Variants in FHOD3 observed in about 807,000 individuals in gnomAD.
FHOD3 encodes the protein formin homology 2 domain containing 3.
In FHOD3, 90 loss-of-function variants were observed where a neutral mutation model predicts 173.0. The observed-to-expected ratio is 0.52, with a 90% CI of 0.44 to 0.62. The LOEUF (loss-of-function observed/expected upper bound fraction) is 0.62. Ranked by LOEUF, FHOD3 falls within the 20% of genes least tolerant of loss-of-function variation. The probability of loss-of-function intolerance (pLI) is 0.00; values close to 1 mark genes in which losing one functional copy is unlikely to be tolerated. For missense variants in FHOD3, 1,945 were observed against 2,034.7 expected, an observed-to-expected ratio of 0.96 and a Z score of 0.85; for synonymous variants, 828 against 823.0, an observed-to-expected ratio of 1.01 and a Z score of -0.10.
chr18:36,695,221 G>T (rs1015769704), intron 17 of FHOD3, among the ~76,000 whole-genome samples: 3 of 151,770 alleles, frequency 2.0e-5, no homozygotes, highest in Non-Finnish European at 4.4e-5. Context: ...GCGTGGTGGC[G>T]CATGCCTGTA....
intron 10 of FHOD3, among the ~76,000 whole-genome samples, chr18:36,633,137 G>C (rs1482745302): frequency 1.3e-5 from 2 of 152,198 alleles, no homozygotes; most frequent in African/African-American, 2.4e-5. Flanking sequence ...GCTCACTTGA[G>C]GCAGTTTCCC....
intron 3 of FHOD3, among the ~76,000 whole-genome samples, chr18:36,494,168 A>G (rs1055883230): frequency 6.6e-6 from 1 of 152,106 alleles, no homozygotes; most frequent in Non-Finnish European, 1.5e-5. Context: ...TCTTGGCTGA[A>G]CAGGAAGCAT....
chr18:36,511,140 A>G (rs557699164), intron 4 of FHOD3, among the ~76,000 whole-genome samples: 3 of 152,240 alleles, frequency 2.0e-5, no homozygotes, highest in African/African-American at 7.2e-5. Flanking sequence ...GCTTTCTACC[A>G]TTTACATCAC....
At chr18:36,454,562 T>C (rs368788529) in intron 3 of FHOD3, among the ~76,000 whole-genome samples, 1 of 152,324 alleles carries the variant, frequency 6.6e-6, no homozygotes, top group East Asian at 1.9e-4. Context: ...ATTTTTCATA[T>C]GCATTGTGTA....
Position 36,537,204 on chromosome 18 carries a change from G to A in FHOD3, c.511+24661G>A, listed in dbSNP as rs551023316. ...GACTCCCTGATAATTGTATTTTTAC[G>A]CCAGGGTGAGAAGCCTATGAAGTCT... On this transcript the variant is annotated intron_variant, in intron 5 of 28. Transcript: ENST00000590592. 4.8e-4 allele frequency among the ~76,000 whole-genome samples: 73 copies of A among 152,278 alleles called. No individual in the cohort carries two copies. The South Asian group carries it at 7.7e-3, about 16-fold the overall frequency.
At chr18:36,353,124 A>T (rs2046209449) in intron 1 of FHOD3, among the ~76,000 whole-genome samples, 1 of 152,232 alleles carries the variant, frequency 6.6e-6, no homozygotes, top group African/African-American at 2.4e-5. Flanking sequence ...CAGGTTGGCC[A>T]GTTTGTAGTA....
intron 9 of FHOD3, among the ~76,000 whole-genome samples, chr18:36,619,608 G>C (rs2033533221): frequency 6.6e-6 from 1 of 152,116 alleles, no homozygotes; most frequent in Non-Finnish European, 1.5e-5. Context: ...TCATTTGCTT[G>C]TCTATTACTT....
intron 17 of FHOD3, among the ~76,000 whole-genome samples, chr18:36,701,914 A>G (rs150331985): frequency 2.0e-5 from 3 of 152,352 alleles, no homozygotes; most frequent in African/African-American, 7.2e-5. Context: ...CTCTGAAGTC[A>G]TCTTCAGTGG....
chr18:36,666,812 A>G (rs893254349), intron 14 of FHOD3, among the ~76,000 whole-genome samples: 3 of 152,208 alleles, frequency 2.0e-5, no homozygotes, highest in Non-Finnish European at 4.4e-5. Context: ...GAAACAGCAC[A>G]TAAGTTTTGG....
At chr18:36,512,858 G>C (rs2055736715) in intron 5 of FHOD3, among the ~76,000 whole-genome samples, 1 of 152,130 alleles carries the variant, frequency 6.6e-6, no homozygotes, top group Non-Finnish European at 1.5e-5. Flanking sequence ...AAATGGGCTT[G>C]GGTAAAGCCT....
Position 36,780,102 on chromosome 18 carries a change from C to A in FHOD3, c.*572C>A. 1 of 1,227,994 alleles carries A rather than the reference C, an allele frequency of 8.1e-7. No homozygotes were observed. Among genetic ancestry groups the A allele is most frequent in the Non-Finnish European group, 1.0e-6 (1 of 984,252 alleles). The allele number at this position is 1,227,994 out of a possible 1,614,324, so 76.1% of individuals were successfully genotyped here. A position where few individuals can be genotyped will look rare whatever the true frequency, so the allele number is the denominator to read the frequency against. The stretch of plus-strand genomic sequence containing the variant: ...TCTGGGAACAGGACCTTAAACAGTT[C>A]CACAGGCTCGCCTCTTCAGAATGGC... On this transcript the variant is annotated 3_prime_UTR_variant, in exon 29 of 29. Coordinates refer to ENST00000590592, the MANE Select transcript of FHOD3 (RefSeq NM_001281740.3).
intron 19 of FHOD3, among the ~76,000 whole-genome samples, chr18:36,721,039 A>G (rs1386947402): frequency 6.6e-6 from 1 of 152,184 alleles, no homozygotes; most frequent in Non-Finnish European, 1.5e-5. Flanking sequence ...CACTGCAGCC[A>G]ATTTGGTCCG....
Position 36,406,077 on chromosome 18 carries a change from TTTTTTG to T in FHOD3, c.337+33351_337+33356del, listed in dbSNP as rs1246347431. Among the ~76,000 whole-genome samples, 64 of 137,670 alleles carry T rather than the reference TTTTTTG, an allele frequency of 4.6e-4. 1 individual carries two copies. Among genetic ancestry groups the T allele is most frequent in the African/African-American group, 1.5e-3 (54 of 36,558 alleles). 90.3% of individuals were successfully genotyped at this position (137,670 alleles called of 152,430 possible). A position where few individuals can be genotyped will look rare whatever the true frequency, so the allele number is the denominator to read the frequency against. On this transcript the variant is annotated intron_variant, in intron 3 of 28. Coordinates refer to ENST00000590592, the MANE Select transcript of FHOD3 (RefSeq NM_001281740.3). ...TAAGTTCACATTGTGGCCTTGCCTGTTTTTTGTTTTTGTTTTTGTTTTTTTGTTTTT... is the reference window on the plus strand; with the variant it reads ...TAAGTTCACATTGTGGCCTTGCCTGTTTTTTGTTTTTGTTTTTTTGTTTTT...
intron 3 of FHOD3, among the ~76,000 whole-genome samples, chr18:36,433,395 C>T (rs936832239): frequency 4.6e-5 from 7 of 152,206 alleles, no homozygotes; most frequent in African/African-American, 1.4e-4. Flanking sequence ...ACCTCAAGTT[C>T]ACTCACTTAG....
At chr18:36,756,872 C>T (rs1013603880) in intron 25 of FHOD3, among the ~76,000 whole-genome samples, 6 of 152,172 alleles carry the variant, frequency 3.9e-5, no homozygotes, top group African/African-American at 1.4e-4. Flanking sequence ...TCTTCTGTAT[C>T]CTTTCCTGAA....
At chr18:36,374,333 A>G (rs2047331279) in intron 3 of FHOD3, among the ~76,000 whole-genome samples, 1 of 152,242 alleles carries the variant, frequency 6.6e-6, no homozygotes, top group South Asian at 2.1e-4. Context: ...CAACCAGGAC[A>G]CACATGCTCC....
intron 3 of FHOD3, among the ~76,000 whole-genome samples, chr18:36,500,030 G>A (rs1264753578): frequency 6.6e-6 from 1 of 152,208 alleles, no homozygotes; most frequent in East Asian, 1.9e-4. Context: ...TGTGAGTTTG[G>A]AGGAGCCTGC....
chr18:36,343,935 G>A (rs968092714), intron 1 of FHOD3, among the ~76,000 whole-genome samples: 14 of 152,202 alleles, frequency 9.2e-5, no homozygotes, highest in African/African-American at 3.4e-4. Context: ...TATGTGTAGG[G>A]CAATGAGGAG....
intron 21 of FHOD3, among the ~76,000 whole-genome samples, chr18:36,741,393 A>G (rs1017984023): frequency 6.6e-6 from 1 of 152,180 alleles, no homozygotes; most frequent in Non-Finnish European, 1.5e-5. Context: ...GAACAGAAGG[A>G]GCCAGTGTAG....
Sources: allele counts gnomAD v4.1 joint callset (sites outside exome capture counted in the v4.1 genomes callset), GRCh38; gene constraint gnomAD v4.1.1; transcripts MANE v1.5; gene names NCBI Gene and HGNC (gene_info 2026-07-23, HGNC 2026-07-21).